Variants in LINGO2 observed in about 807,000 individuals in gnomAD.
LINGO2 encodes the protein leucine rich repeat and Ig domain containing 2.
Under a neutral mutation model 30.6 loss-of-function variants are expected in LINGO2, and 14 were observed. That is an observed-to-expected ratio of 0.46 (90% CI 0.30 to 0.72). LINGO2 has a LOEUF of 0.72. Ranked by LOEUF, LINGO2 falls within the 30% of genes least tolerant of loss-of-function variation. The pLI is 0.07. For missense variants in LINGO2, 729 were observed against 751.7 expected (o/e 0.97, Z 0.35); for synonymous variants, 317 against 288.5 (o/e 1.10, Z -1.00).
Position 28,502,131 on chromosome 9 carries a change from GACACAC to G in LINGO2, c.-364-26112_-364-26107del, listed in dbSNP as rs57545947. 5.9e-3 allele frequency among the ~76,000 whole-genome samples: 864 copies of G among 147,128 alleles called. 8 individuals carry two copies. The highest frequency in any genetic ancestry group is 0.02 in the African/African-American group (801 of 39,906). The stretch of plus-strand genomic sequence containing the variant: ...TCCAGGTCTCAAGATGAGAAACACA[GACACAC>G]ACACACACACACACACACACACACA... On this transcript the variant is annotated intron_variant, in intron 1 of 5. Coordinates refer to ENST00000379992, the Ensembl canonical transcript of LINGO2.
At chr9:28,913,096 AT>A in the LINGO2 span, among the ~76,000 whole-genome samples, 1 of 152,244 alleles carries the variant, frequency 6.6e-6, no homozygotes, top group East Asian at 1.9e-4. Context: ...GATCTAGACA[AT>A]AATTATCTTT....
At chr9:29,152,161 A>C in the LINGO2 span, among the ~76,000 whole-genome samples, 1 of 152,310 alleles carries the variant, frequency 6.6e-6, no homozygotes, top group East Asian at 1.9e-4. Flanking sequence ...AAGCAAAAAA[A>C]CAATAGATGC....
chr9:28,108,864 C>A (rs150967833), intron 4 of LINGO2, among the ~76,000 whole-genome samples: 1 of 152,168 alleles, frequency 6.6e-6, no homozygotes, highest in African/African-American at 2.4e-5. Context: ...TAACAATGTG[C>A]TGAATTTCAT....
At chr9:28,417,158 G>T (rs1184865686) in intron 2 of LINGO2, among the ~76,000 whole-genome samples, 1 of 152,108 alleles carries the variant, frequency 6.6e-6, no homozygotes, top group Admixed American at 6.6e-5. Flanking sequence ...CTGGGGAAAT[G>T]GTTAGTCTGT....
intron 2 of LINGO2, among the ~76,000 whole-genome samples, chr9:28,401,686 T>C (rs1336686667): frequency 6.6e-6 from 1 of 152,170 alleles, no homozygotes; most frequent in African/African-American, 2.4e-5. Context: ...GTATTTCTGG[T>C]TCTAGGTCCT....
chr9:28,720,022 T>A, the LINGO2 span, among the ~76,000 whole-genome samples: 3 of 152,056 alleles, frequency 2.0e-5, no homozygotes, highest in Admixed American at 2.0e-4. Context: ...AGCATCTAAT[T>A]TGAGTTGGTT....
At chr9:28,634,772 C>T (rs1159024203) in intron 1 of LINGO2, among the ~76,000 whole-genome samples, 2 of 152,090 alleles carry the variant, frequency 1.3e-5, no homozygotes, top group African/African-American at 4.8e-5. Context: ...AGGCATGAGC[C>T]ACCGCACCCG....
At chr9:27,990,695 C>G (rs115139197) in intron 5 of LINGO2, among the ~76,000 whole-genome samples, 1 of 151,906 alleles carries the variant, frequency 6.6e-6, no homozygotes, top group Non-Finnish European at 1.5e-5. Context: ...AGTGCATTGA[C>G]CAATGTAAGT....
intron 4 of LINGO2, among the ~76,000 whole-genome samples, chr9:28,078,019 A>G (rs1483934339): frequency 1.3e-5 from 2 of 149,368 alleles, no homozygotes; most frequent in Non-Finnish European, 2.9e-5. Context: ...GTGGTTTAAC[A>G]TATCTTTTTT....
intron 1 of LINGO2, among the ~76,000 whole-genome samples, chr9:28,480,137 C>G (rs1200889615): frequency 6.6e-6 from 1 of 151,198 alleles, no homozygotes; most frequent in Non-Finnish European, 1.5e-5. Context: ...CACTTAGATT[C>G]AATTATCAAA....
chr9:28,355,853 T>C (rs1210987883), intron 3 of LINGO2, among the ~76,000 whole-genome samples: 1 of 152,176 alleles, frequency 6.6e-6, no homozygotes, highest in Non-Finnish European at 1.5e-5. Context: ...GTTTGATTTA[T>C]TGTTGCCAGC....
At chr9:29,060,373 A>G in the LINGO2 span, among the ~76,000 whole-genome samples, 1 of 152,104 alleles carries the variant, frequency 6.6e-6, no homozygotes, top group South Asian at 2.1e-4. Flanking sequence ...GGACAAACCA[A>G]GCACAGAAGC....
At chr9:27,992,859 G>A (rs1821467336) in intron 5 of LINGO2, among the ~76,000 whole-genome samples, 1 of 151,976 alleles carries the variant, frequency 6.6e-6, no homozygotes. Flanking sequence ...AAACTAATAG[G>A]AGACACAAAA....
At chr9:28,005,987 G>A (rs557129632) in intron 5 of LINGO2, among the ~76,000 whole-genome samples, 43 of 152,184 alleles carry the variant, frequency 2.8e-4, no homozygotes, top group African/African-American at 9.6e-4. Context: ...AGTAGCATCA[G>A]AATCATATGA....
At chr9:28,490,115 G>A (rs1039978282) in intron 1 of LINGO2, among the ~76,000 whole-genome samples, 1 of 152,192 alleles carries the variant, frequency 6.6e-6, no homozygotes, top group East Asian at 1.9e-4. Flanking sequence ...GGTATATGGT[G>A]TGAGCTGCTT....
At position 28,570,655 on chromosome 9, in the gene LINGO2, T is replaced by C. The variant is rs1346036330; in HGVS notation, c.-364-94630A>G. 2.6e-5 allele frequency among the ~76,000 whole-genome samples: 4 copies of C among 151,404 alleles called. No individual in the cohort carries two copies. In the East Asian group the frequency reaches 7.8e-4, roughly 29 times the overall value. On this transcript the variant is annotated intron_variant, in intron 1 of 5. Transcript: ENST00000379992. ...TTGACTATCTACTTGGGGAGCAGCA[T>C]CTGTTTTTGTTGTGGGAATTCTCTG...
rs76489309 is a variant in LINGO2 at position 28,296,200 on chromosome 9, A to T, written c.-245-834T>A. 0.016 allele frequency among the ~76,000 whole-genome samples: 2,381 copies of T among 152,334 alleles called. 140 individuals carry two copies. The East Asian group carries it at 0.19, about 12-fold the overall frequency. ...ATACAGAGAAAACCTATGTATAATC[A>T]GTAACCTTTATTGGACTGTTATCTG... On this transcript the variant is annotated intron_variant, in intron 3 of 5. Coordinates refer to ENST00000379992, the Ensembl canonical transcript of LINGO2.
At chr9:28,015,310 G>T (rs555012538) in intron 4 of LINGO2, among the ~76,000 whole-genome samples, 8 of 152,086 alleles carry the variant, frequency 5.3e-5, no homozygotes, top group Non-Finnish European at 5.9e-5. Context: ...TTGAGAAAAG[G>T]TTCCACTTCT....
intron 3 of LINGO2, among the ~76,000 whole-genome samples, chr9:28,346,313 C>T (rs559063224): frequency 6.6e-6 from 1 of 152,230 alleles, no homozygotes; most frequent in African/African-American, 2.4e-5. Context: ...TTCATTCCCG[C>T]ATTGGTTTGC....
Sources: allele counts gnomAD v4.1 joint callset (sites outside exome capture counted in the v4.1 genomes callset), GRCh38; gene constraint gnomAD v4.1.1; transcripts MANE v1.5; gene names NCBI Gene and HGNC (gene_info 2026-07-23, HGNC 2026-07-21).